TTC8: variants seen among roughly 807,000 people sequenced by gnomAD.
The protein encoded by TTC8 is tetratricopeptide repeat domain 8, also known as tetratricopeptide repeat protein 8.
TTC8 carries 47 observed loss-of-function variants against 72.5 expected under a neutral mutation model. The observed-to-expected ratio is 0.65, with a 90% CI of 0.51 to 0.83. The LOEUF is 0.83. TTC8 is among the 40% of genes least tolerant of loss of function. The pLI, the probability that TTC8 is intolerant of heterozygous loss-of-function variation, is 0.00. For synonymous variants in TTC8, 199 were observed against 221.4 expected, an observed-to-expected ratio of 0.90 and a Z score of 0.90; for missense variants, 611 against 623.2, an observed-to-expected ratio of 0.98 and a Z score of 0.21.
intron 10 of TTC8, among the ~76,000 whole-genome samples, chr14:88,863,487 G>C (rs1040042547): frequency 6.6e-6 from 1 of 152,170 alleles, no homozygotes; most frequent in African/African-American, 2.4e-5. Context: ...TGTATCCATG[G>C]TTACTATTGG....
intron 7 of TTC8, among the ~76,000 whole-genome samples, chr14:88,848,281 TAAAG>T (rs2094817938): frequency 6.6e-6 from 1 of 151,514 alleles, no homozygotes; most frequent in Non-Finnish European, 1.5e-5. Flanking sequence ...AAATATAAAA[TAAAG>T]AGTCTTTGGA....
rs771798713 is a variant in TTC8 at position 88,841,518 on chromosome 14, T to C, written c.579+4T>C. 4 of 1,606,914 alleles carry C rather than the reference T, an allele frequency of 2.5e-6. No individual in the cohort carries two copies. Among genetic ancestry groups the C allele is most frequent in the East Asian group, 2.2e-5 (1 of 44,738 alleles). Reference sequence around the variant, plus strand: ...CCAGAAACCTAAGTTGGCAAAGGTATGTACTTAAAATGATTTTGAGTTATG... The same window carrying C: ...CCAGAAACCTAAGTTGGCAAAGGTACGTACTTAAAATGATTTTGAGTTATG... On this transcript the variant is annotated splice_donor_region_variant and intron_variant, in intron 6 of 14. Transcript: ENST00000380656.
At chr14:88,845,728 G>T (rs1267103986) in intron 7 of TTC8, among the ~76,000 whole-genome samples, 1 of 152,108 alleles carries the variant, frequency 6.6e-6, no homozygotes, top group Non-Finnish European at 1.5e-5. Context: ...TGATACTCTT[G>T]TATTTGGAAG....
chr14:88,860,518 CT>C (rs1238015509), intron 9 of TTC8, among the ~76,000 whole-genome samples: 1 of 152,194 alleles, frequency 6.6e-6, no homozygotes, highest in Non-Finnish European at 1.5e-5. Flanking sequence ...TCTCTCAGGC[CT>C]TGTTCCATGG....
Position 88,840,943 on chromosome 14 carries a change from T to G in TTC8, c.329+15T>G, listed in dbSNP as rs769070284. The G allele has an allele frequency of 1.1e-5, 18 of 1,614,152 alleles. No individual in the cohort carries two copies. The highest frequency in any genetic ancestry group is 5.3e-5 in the African/African-American group (4 of 75,056). Reference sequence around the variant, plus strand: ...CAGGCCGTTAGGTATGTACTTCTGCTTCATAACCTCTGCCACTAAATATTG... The same window carrying G: ...CAGGCCGTTAGGTATGTACTTCTGCGTCATAACCTCTGCCACTAAATATTG... On this transcript the variant is annotated intron_variant, in intron 4 of 14. Transcript: ENST00000380656.
At chr14:88,839,950 T>C (rs2094772502) in intron 3 of TTC8, among the ~76,000 whole-genome samples, 1 of 152,204 alleles carries the variant, frequency 6.6e-6, no homozygotes, top group South Asian at 2.1e-4. Context: ...ATATTGTTTA[T>C]CTGGGAAGTA....
chr14:88,826,754 T>A (rs1334353326), intron 1 of TTC8, among the ~76,000 whole-genome samples: 1 of 152,166 alleles, frequency 6.6e-6, no homozygotes, highest in Non-Finnish European at 1.5e-5. Context: ...CTAGGCACAA[T>A]GGTTTGCAGG....
At chr14:88,873,615 A>G (rs1043965564) in intron 13 of TTC8, among the ~76,000 whole-genome samples, 67 of 152,198 alleles carry the variant, frequency 4.4e-4, no homozygotes, top group African/African-American at 1.6e-3. Flanking sequence ...AATAGAGTGT[A>G]ACAGTAGTGA....
intron 6 of TTC8, 132 bp downstream of exon 6, chr14:88,841,646 A>C: frequency 2.5e-6 from 2 of 796,762 alleles, no homozygotes; most frequent in Non-Finnish European, 4.2e-6. Flanking sequence ...TTTATATGTA[A>C]AATTACTCTT....
chr14:88,836,242 G>T (rs1015237244), intron 2 of TTC8, among the ~76,000 whole-genome samples: 1 of 152,100 alleles, frequency 6.6e-6, no homozygotes, highest in African/African-American at 2.4e-5. Context: ...TGTAAACGCA[G>T]CACTTTAGGA....
rs114229640 is a variant in TTC8 at position 88,824,960 on chromosome 14, G to A, written c.114+139G>A. ...CGTTCGGCCCTCGGAGGCGCCCGGA[G>A]CGAGACCTTGTGGAGCTGTGACTAG... On this transcript the variant is annotated intron_variant, in intron 1 of 14. Transcript: ENST00000380656. 2,291 of 779,904 alleles carry A rather than the reference G, an allele frequency of 2.9e-3. 34 individuals are homozygous for A. The African/African-American group carries it at 0.036, about 12-fold the overall frequency. The allele number at this position is 779,904 out of a possible 1,614,324, so 48.3% of individuals were successfully genotyped here. A position where few individuals can be genotyped will look rare whatever the true frequency, so the allele number is the denominator to read the frequency against.
intron 8 of TTC8, among the ~76,000 whole-genome samples, chr14:88,854,687 T>C (rs925509387): frequency 5.9e-5 from 9 of 152,132 alleles, no homozygotes; most frequent in African/African-American, 2.2e-4. Context: ...TAATATTTTA[T>C]TTTATTATAT....
intron 3 of TTC8, among the ~76,000 whole-genome samples, chr14:88,839,886 G>T (rs561220268): frequency 1.1e-4 from 17 of 152,138 alleles, no homozygotes; most frequent in Non-Finnish European, 2.5e-4. Context: ...CTGATCATAT[G>T]GGAAAAATTT....
chr14:88,860,627 G>T (rs1043322893), intron 9 of TTC8, among the ~76,000 whole-genome samples: 1 of 152,080 alleles, frequency 6.6e-6, no homozygotes, highest in Admixed American at 6.6e-5. Context: ...ATCCTAAAAA[G>T]ATTTTCCCTT....
Position 88,877,355 on chromosome 14 carries a change from A to G in TTC8, c.1493A>G (p.His498Arg), listed in dbSNP as rs745991884. The change falls in exon 15 of 15, where the codon CAT becomes CGT. Residue 498 changes from histidine (H) to arginine (R), a missense_variant. Coordinates refer to ENST00000380656, the MANE Select transcript of TTC8 (RefSeq NM_144596.4). ...AQKSEAAFPD[H>R]VDTQHLIKQL... ...AAGTCTGAAGCAGCATTTCCAGACC[A>G]TGTGGACACACAACATTTAATTAAA... The G allele has an allele frequency of 6.2e-7, 1 of 1,613,868 alleles. No individual in the cohort carries two copies. The highest frequency in any genetic ancestry group is 8.5e-7 in the Non-Finnish European group (1 of 1,179,828).
intron 11 of TTC8, 29 bp downstream of exon 11, chr14:88,870,227 A>G: frequency 1.2e-6 from 2 of 1,610,680 alleles, no homozygotes; most frequent in Non-Finnish European, 8.5e-7. Context: ...TCTTAGAACC[A>G]CTTTCCTGTG....
intron 7 of TTC8, chr14:88,846,877 T>A (rs567865601): frequency 8.2e-6 from 3 of 364,584 alleles, no homozygotes; most frequent in East Asian, 9.5e-5. Flanking sequence ...TGAAATCTTA[T>A]CGAGACCCTA....
rs1226522899 is a variant in TTC8, at chr14:88,839,795, G to A, written c.265+223G>A. Among the ~76,000 whole-genome samples, 3 of 151,986 alleles carry A rather than the reference G, an allele frequency of 2.0e-5. No homozygotes were observed. In the South Asian group the frequency reaches 6.2e-4, roughly 32 times the overall value. On this transcript the variant is annotated intron_variant, in intron 3 of 14. Coordinates refer to ENST00000380656, the MANE Select transcript of TTC8 (RefSeq NM_144596.4). The stretch of plus-strand genomic sequence containing the variant: ...CACAATTCAGTTATCTTAAACTTAA[G>A]GTATGAGATTGATGTATAACAATTT...
At position 88,843,876 on chromosome 14, in the gene TTC8, C is replaced by A. The variant is rs182035116; in HGVS notation, c.624+26C>A. ...GTAAGTTTTGAATTCATGCTATTTTCTTTTATTGTAATTTTTCTGACTTTG... is the reference window on the plus strand; with the variant it reads ...GTAAGTTTTGAATTCATGCTATTTTATTTTATTGTAATTTTTCTGACTTTG... On this transcript the variant is annotated intron_variant, in intron 7 of 14. Coordinates refer to ENST00000380656, the MANE Select transcript of TTC8 (RefSeq NM_144596.4). The A allele has an allele frequency of 1.5e-5, 22 of 1,502,910 alleles. No individual in the cohort carries two copies. The Middle Eastern group carries it at 7.2e-4, about 49-fold the overall frequency. 93.1% of individuals were successfully genotyped at this position (1,502,910 alleles called of 1,614,324 possible).
Sources: gnomAD v4.1 joint callset for allele counts (sites outside exome capture counted in the v4.1 genomes callset) on GRCh38, gnomAD v4.1.1 for gene constraint, MANE v1.5 for transcripts, NCBI Gene and HGNC (gene_info 2026-07-23, HGNC 2026-07-21) for gene names.